ITPR1: variants seen among roughly 807,000 people sequenced by gnomAD.
ITPR1 encodes inositol 1,4,5-trisphosphate-gated calcium channel ITPR1.
In ITPR1, 96 loss-of-function variants were observed where a neutral mutation model predicts 318.4. That is an observed-to-expected ratio of 0.30 (90% CI 0.26 to 0.36). The LOEUF (loss-of-function observed/expected upper bound fraction) is 0.36. ITPR1 is among the 10% of genes least tolerant of loss of function. The probability of loss-of-function intolerance (pLI) is 1.00; values close to 1 mark genes in which losing one functional copy is unlikely to be tolerated. For synonymous variants in ITPR1, 1,312 were observed against 1,289.9 expected, an observed-to-expected ratio of 1.02 and a Z score of -0.37; for missense variants, 2,440 against 3,460.2, an observed-to-expected ratio of 0.71 and a Z score of 7.40.
chr3:4,755,645 G>A (rs938361557), intron 44 of ITPR1, among the ~76,000 whole-genome samples: 6 of 152,172 alleles, frequency 3.9e-5, no homozygotes, highest in Non-Finnish European at 7.4e-5. Flanking sequence ...TGACCCTGGA[G>A]CTTAGGCCGT....
chr3:4,745,228 G>A (rs893765141), intron 44 of ITPR1, among the ~76,000 whole-genome samples: 1 of 148,906 alleles, frequency 6.7e-6, no homozygotes, highest in African/African-American at 2.5e-5. Flanking sequence ...AGCAGACAGG[G>A]TTGTTTTTTA....
At chr3:4,603,012 T>G (rs1171554941) in intron 4 of ITPR1, among the ~76,000 whole-genome samples, 1 of 152,116 alleles carries the variant, frequency 6.6e-6, no homozygotes, top group Non-Finnish European at 1.5e-5. Context: ...TCAATAAAAA[T>G]GACTACATGT....
Position 4,524,497 on chromosome 3 carries a change from A to G in ITPR1, c.163+3403A>G, listed in dbSNP as rs529488063. Among the ~76,000 whole-genome samples the G allele has an allele frequency of 3.9e-5, 6 of 152,224 alleles. No homozygotes were observed. In the East Asian group the frequency reaches 9.7e-4, roughly 25 times the overall value. On this transcript the variant is annotated intron_variant, in intron 4 of 61. Coordinates refer to ENST00000649015, the MANE Select transcript of ITPR1 (RefSeq NM_001378452.1). ...ATGGACTCGTTGCACCCTAGAGTTT[A>G]ACAAACACATATGGAAAAGTGAGAT... is the stretch of plus-strand genomic sequence containing the variant.
Position 4,846,442 on chromosome 3 carries a change from A to G in ITPR1, c.*217A>G, listed in dbSNP as rs1050445108. 6 of 367,300 alleles carry G rather than the reference A, an allele frequency of 1.6e-5. No individual in the cohort carries two copies. The highest frequency in any genetic ancestry group is 9.7e-6 in the Non-Finnish European group (2 of 205,918). 22.8% of individuals were successfully genotyped at this position (367,300 alleles called of 1,614,324 possible). A position where few individuals can be genotyped will look rare whatever the true frequency, so the allele number is the denominator to read the frequency against. On this transcript the variant is annotated 3_prime_UTR_variant, in exon 62 of 62. Coordinates refer to ENST00000649015, the MANE Select transcript of ITPR1 (RefSeq NM_001378452.1). Reference sequence around the variant, plus strand: ...ATGATGACATTTCATTTGTGCCAAAAATATTAAAAATGCCTTTTTTGGAAG... The same window carrying G: ...ATGATGACATTTCATTTGTGCCAAAGATATTAAAAATGCCTTTTTTGGAAG...
intron 3 of ITPR1, among the ~76,000 whole-genome samples, chr3:4,517,503 T>C (rs1417120854): frequency 1.3e-5 from 2 of 152,230 alleles, no homozygotes; most frequent in Non-Finnish European, 2.9e-5. Flanking sequence ...CTGGTATTTG[T>C]GCAGAATGAG....
chr3:4,637,727 T>C (rs2093232609), intron 5 of ITPR1, among the ~76,000 whole-genome samples: 1 of 151,992 alleles, frequency 6.6e-6, no homozygotes, highest in Non-Finnish European at 1.5e-5. Flanking sequence ...TAATATGGTT[T>C]CATTTTGGCT....
At chr3:4,615,329 C>A (rs920561442) in intron 4 of ITPR1, among the ~76,000 whole-genome samples, 7 of 150,788 alleles carry the variant, frequency 4.6e-5, no homozygotes, top group Admixed American at 6.6e-5. Flanking sequence ...CCCCTTTTGT[C>A]TTCCACAATG....
rs563903826 is a variant in ITPR1, at chr3:4,703,689, C to T, written c.4657+739C>T. ...TATTTAGTGGCTGTCCAGCAACTGT[C>T]AATTGTGTAGGTAAGATATCAAGTC... On this transcript the variant is annotated intron_variant, in intron 36 of 61. Coordinates refer to ENST00000649015, the MANE Select transcript of ITPR1 (RefSeq NM_001378452.1). Among the ~76,000 whole-genome samples, 11 of 152,200 alleles carry T rather than the reference C, an allele frequency of 7.2e-5. No individual in the cohort carries two copies. The South Asian group carries it at 2.3e-3, about 32-fold the overall frequency.
intron 4 of ITPR1, among the ~76,000 whole-genome samples, chr3:4,616,119 T>C (rs1364881259): frequency 6.6e-6 from 1 of 152,218 alleles, no homozygotes; most frequent in East Asian, 1.9e-4. Context: ...TGGTTTCCTC[T>C]TGTACTGAAC....
intron 5 of ITPR1, among the ~76,000 whole-genome samples, chr3:4,630,656 GC>G (rs926828227): frequency 6.6e-6 from 1 of 151,044 alleles, no homozygotes; most frequent in African/African-American, 2.4e-5. Context: ...CGCCATCTCG[GC>G]CTACTGCAAC....
chr3:4,810,376 C>G (rs910173310), intron 55 of ITPR1, among the ~76,000 whole-genome samples: 3 of 152,184 alleles, frequency 2.0e-5, no homozygotes. Context: ...TCTTGGAAAA[C>G]TAGCCATCAT....
chr3:4,678,685 A>G (rs13322595), intron 24 of ITPR1, among the ~76,000 whole-genome samples: 20,801 of 152,096 alleles, frequency 0.14, 1,514 homozygotes, highest in Middle Eastern at 0.22. Flanking sequence ...CATGGTAAAG[A>G]TCAGAGAAGG....
chr3:4,571,574 T>A (rs1382983414), intron 4 of ITPR1, among the ~76,000 whole-genome samples: 1 of 152,106 alleles, frequency 6.6e-6, no homozygotes, highest in Admixed American at 6.5e-5. Context: ...GCTCAAGCAA[T>A]CCTCCTGCCT....
chr3:4,832,591 C>T (rs149900015), intron 60 of ITPR1, among the ~76,000 whole-genome samples: 262 of 152,138 alleles, frequency 1.7e-3, no homozygotes, highest in African/African-American at 6.1e-3. Context: ...GCTGAGATGG[C>T]GCCACTGCAC....
At chr3:4,610,856 G>T (rs920266208) in intron 4 of ITPR1, among the ~76,000 whole-genome samples, 1 of 145,062 alleles carries the variant, frequency 6.9e-6, no homozygotes, top group Non-Finnish European at 1.5e-5. Context: ...TCCCTTTCCT[G>T]TTCCCTTTCC....
intron 2 of ITPR1, among the ~76,000 whole-genome samples, chr3:4,506,886 C>T (rs1207218362): frequency 6.6e-6 from 1 of 152,178 alleles, no homozygotes; most frequent in Non-Finnish European, 1.5e-5. Flanking sequence ...TTCTGGCTCT[C>T]AGGAGCTCTT....
At chr3:4,658,407 G>T (rs758293867) in intron 13 of ITPR1, 129 bp downstream of exon 13, 2 of 748,874 alleles carry the variant, frequency 2.7e-6, no homozygotes, top group Non-Finnish European at 2.1e-6. Context: ...TGAAAGGTTT[G>T]CACTGACTGC....
At position 4,543,925 on chromosome 3, in the gene ITPR1, A is replaced by G. The variant is rs969339014; in HGVS notation, c.163+22831A>G. Among the ~76,000 whole-genome samples, 4 of 152,180 alleles carry G rather than the reference A, an allele frequency of 2.6e-5. No individual in the cohort carries two copies. The East Asian group carries it at 5.8e-4, about 22-fold the overall frequency. On this transcript the variant is annotated intron_variant, in intron 4 of 61. Transcript: ENST00000649015. ...ACATCCTTAGTGTATGGGTGCCCCCATCCCCACCATGTTCTTGTCACTTCA... is the reference window on the plus strand; with the variant it reads ...ACATCCTTAGTGTATGGGTGCCCCCGTCCCCACCATGTTCTTGTCACTTCA...
chr3:4,664,334 A>C (rs778980392), intron 16 of ITPR1, among the ~76,000 whole-genome samples: 21 of 152,236 alleles, frequency 1.4e-4, no homozygotes, highest in Non-Finnish European at 2.6e-4. Flanking sequence ...AGAGTAGATT[A>C]AATGCACAGA....
Sources: gnomAD v4.1 joint callset for allele counts (sites outside exome capture counted in the v4.1 genomes callset) on GRCh38, gnomAD v4.1.1 for gene constraint, MANE v1.5 for transcripts, NCBI Gene and HGNC (gene_info 2026-07-23, HGNC 2026-07-21) for gene names.